Variants in DCLK2 observed in about 807,000 individuals in gnomAD.
DCLK2 encodes the protein serine/threonine-protein kinase DCLK2.
A neutral mutation model predicts 78.4 loss-of-function variants in DCLK2; 31 were observed. That is an observed-to-expected ratio of 0.40 (90% CI 0.30 to 0.53). The LOEUF (loss-of-function observed/expected upper bound fraction) is 0.53. DCLK2 is among the 20% of genes least tolerant of loss of function. DCLK2 has a pLI of 0.61. For synonymous variants in DCLK2, 407 were observed against 374.9 expected, an observed-to-expected ratio of 1.09 and a Z score of -0.99; for missense variants, 872 against 973.7, an observed-to-expected ratio of 0.90 and a Z score of 1.39.
At chr4:150,097,443 A>G (rs1730547111) in intron 1 of DCLK2, among the ~76,000 whole-genome samples, 1 of 152,152 alleles carries the variant, frequency 6.6e-6, no homozygotes, top group Non-Finnish European at 1.5e-5. Context: ...GATTACAGGC[A>G]TGAGCTACCG....
chr4:150,142,765 A>G (rs11099756), intron 2 of DCLK2, among the ~76,000 whole-genome samples: 15,409 of 152,000 alleles, frequency 0.1, 1,374 homozygotes, highest in South Asian at 0.39. Context: ...TAAATATGCA[A>G]ACTAAAGAAG....
Position 150,256,967 on chromosome 4 carries a change from G to C in DCLK2, c.*720G>C, listed in dbSNP as rs1238677564. The C allele has an allele frequency of 6.6e-6, 1 of 152,238 alleles. No individual in the cohort carries two copies. Among genetic ancestry groups the C allele is most frequent in the African/African-American group, 2.4e-5 (1 of 41,456 alleles). The allele number at this position is 152,238 out of a possible 1,614,324, so 9.4% of individuals were successfully genotyped here. On this transcript the variant is annotated 3_prime_UTR_variant, in exon 16 of 16. Transcript: ENST00000296550. ...GGAAGAAGCCACTTCTTCCCTGGGC[G>C]GTGTGGGTTTCCCCCAGCTCTTCCC...
At chr4:150,201,555 C>A (rs1258063226) in intron 4 of DCLK2, among the ~76,000 whole-genome samples, 1 of 152,120 alleles carries the variant, frequency 6.6e-6, no homozygotes, top group Admixed American at 6.5e-5. Context: ...GTTATTGATA[C>A]CAGTTAAATC....
intron 10 of DCLK2, among the ~76,000 whole-genome samples, chr4:150,234,077 A>G (rs1742287896): frequency 6.6e-6 from 1 of 152,100 alleles, no homozygotes; most frequent in Non-Finnish European, 1.5e-5. Context: ...CTCCATCCTC[A>G]GTTTTTAGTT....
At chr4:150,185,052 C>T (rs956779183) in intron 2 of DCLK2, among the ~76,000 whole-genome samples, 13 of 152,168 alleles carry the variant, frequency 8.5e-5, no homozygotes. Flanking sequence ...TTAGTTCCTT[C>T]TCACACTGCT....
At chr4:150,207,683 G>C (rs898438298) in intron 5 of DCLK2, among the ~76,000 whole-genome samples, 5 of 152,174 alleles carry the variant, frequency 3.3e-5, no homozygotes, top group African/African-American at 1.2e-4. Flanking sequence ...GTAAGAAATA[G>C]GGTGGTGACC....
intron 4 of DCLK2, among the ~76,000 whole-genome samples, chr4:150,201,064 C>T (rs1414137920): frequency 2.6e-5 from 4 of 152,096 alleles, no homozygotes; most frequent in Admixed American, 6.5e-5. Context: ...GTGATCCACC[C>T]GCCTCAGCCT....
At chr4:150,219,760 G>A (rs1741032585) in intron 5 of DCLK2, among the ~76,000 whole-genome samples, 1 of 152,210 alleles carries the variant, frequency 6.6e-6, no homozygotes, top group Non-Finnish European at 1.5e-5. Flanking sequence ...GACTTGGAAA[G>A]TTTAAGTAAC....
chr4:150,154,037 A>G (rs1735083084), intron 2 of DCLK2, among the ~76,000 whole-genome samples: 1 of 152,172 alleles, frequency 6.6e-6, no homozygotes, highest in African/African-American at 2.4e-5. Flanking sequence ...TTGATGCTCT[A>G]CTGGCACTGA....
At chr4:150,244,794 G>C (rs1463467623) in intron 12 of DCLK2, among the ~76,000 whole-genome samples, 3 of 152,212 alleles carry the variant, frequency 2.0e-5, no homozygotes, top group African/African-American at 7.2e-5. Flanking sequence ...GGATACTTCA[G>C]GGTCCCATTC....
intron 5 of DCLK2, among the ~76,000 whole-genome samples, chr4:150,215,893 G>A (rs1373320571): frequency 6.6e-6 from 1 of 152,228 alleles, no homozygotes; most frequent in Non-Finnish European, 1.5e-5. Flanking sequence ...TTAGGCAGGT[G>A]AAAGGAGGGC....
intron 10 of DCLK2, among the ~76,000 whole-genome samples, chr4:150,237,587 C>T (rs1180334169): frequency 6.6e-6 from 1 of 152,072 alleles, no homozygotes; most frequent in East Asian, 1.9e-4. Flanking sequence ...CAGTGCCGTC[C>T]TCTTTAAAAT....
chr4:150,086,754 C>A (rs1729679944), intron 1 of DCLK2, among the ~76,000 whole-genome samples: 1 of 152,158 alleles, frequency 6.6e-6, no homozygotes, highest in African/African-American at 2.4e-5. Context: ...GATCTGCCTG[C>A]TTCAGCCTCC....
At chr4:150,087,342 C>T (rs1177162094) in intron 1 of DCLK2, among the ~76,000 whole-genome samples, 1 of 152,186 alleles carries the variant, frequency 6.6e-6, no homozygotes, top group Non-Finnish European at 1.5e-5. Context: ...AACCAAAATG[C>T]AAAATGTTCA....
At chr4:150,215,912 G>T (rs1330574529) in intron 5 of DCLK2, among the ~76,000 whole-genome samples, 1 of 152,206 alleles carries the variant, frequency 6.6e-6, no homozygotes, top group Non-Finnish European at 1.5e-5. Context: ...GCAGGAGAAG[G>T]TCAGAGAGAT....
At chr4:150,248,827 G>A (rs72951580) in intron 14 of DCLK2, among the ~76,000 whole-genome samples, 1 of 152,048 alleles carries the variant, frequency 6.6e-6, no homozygotes, top group Non-Finnish European at 1.5e-5. Context: ...AGACAGGATC[G>A]CTTCAGAGCT....
In DCLK2 at chr4:150,214,615, A is replaced by G. The variant is rs574020577; in HGVS notation, c.1057-6088A>G. ...CAGCAGAGCCAAAGAGTTGCCACAG[A>G]GAACCTGTGACCCATGAAGCCTAAA... On this transcript the variant is annotated intron_variant, in intron 5 of 15. Transcript: ENST00000296550. 1.8e-4 allele frequency among the ~76,000 whole-genome samples: 27 copies of G among 152,298 alleles called. No homozygotes were observed. In the East Asian group the frequency reaches 5.2e-3, roughly 29 times the overall value.
intron 15 of DCLK2, among the ~76,000 whole-genome samples, chr4:150,254,886 C>A (rs1378174356): frequency 6.6e-6 from 1 of 152,152 alleles, no homozygotes; most frequent in African/African-American, 2.4e-5. Context: ...CTGTGTTGCC[C>A]AGGCTGGTCT....
chr4:150,169,620 G>A (rs975917723), intron 2 of DCLK2, among the ~76,000 whole-genome samples: 2 of 147,864 alleles, frequency 1.4e-5, no homozygotes, highest in South Asian at 4.2e-4. Context: ...TCGCACCATT[G>A]CACTCCAGCT....
Sources: allele counts gnomAD v4.1 joint callset (sites outside exome capture counted in the v4.1 genomes callset), GRCh38; gene constraint gnomAD v4.1.1; transcripts MANE v1.5; gene names NCBI Gene and HGNC (gene_info 2026-07-23, HGNC 2026-07-21).